Variants in BCAP31 observed in about 807,000 individuals in gnomAD.
BCAP31 encodes the protein B-cell receptor-associated protein 31.
For missense variants in BCAP31, 124 were observed against 193.0 expected (o/e 0.64, Z 2.12); for synonymous variants, 75 against 80.9 (o/e 0.93, Z 0.39).
chrX:153,720,035 C>G (rs1217287286), intron 3 of BCAP31, among the ~76,000 whole-genome samples: 3 of 111,842 alleles, frequency 2.7e-5, no homozygotes, highest in African/African-American at 9.8e-5. Context: ...GGATCTCTCC[C>G]CAAGATATGC....
intron 3 of BCAP31, among the ~76,000 whole-genome samples, chrX:153,718,698 T>C (rs1415006220): frequency 8.9e-6 from 1 of 112,046 alleles, no homozygotes; most frequent in Non-Finnish European, 1.9e-5. Flanking sequence ...AAGATAAACA[T>C]GTTTCCTTAC....
At chrX:153,709,666 C>T (rs1285781231) in intron 4 of BCAP31, among the ~76,000 whole-genome samples, 3 of 112,853 alleles carry the variant, frequency 2.7e-5, no homozygotes, top group African/African-American at 9.7e-5. Flanking sequence ...CCGATGGACC[C>T]GCCTTCACAA....
At chrX:153,721,461 G>A (rs1557051067) in intron 2 of BCAP31, among the ~76,000 whole-genome samples, 1 of 103,528 alleles carries the variant, frequency 9.7e-6, no homozygotes, top group Non-Finnish European at 2.0e-5. Context: ...AAAAGATGCT[G>A]GTCCACGTAT....
intron 6 of BCAP31, 59 bp downstream of exon 6, chrX:153,702,876 C>T: frequency 8.4e-7 from 1 of 1,186,348 alleles, no homozygotes; most frequent in African/African-American, 1.7e-5. Context: ...TGGGCAGCAG[C>T]GGGCAGAGGA....
At chrX:153,716,537 T>C (rs2091628986) in intron 3 of BCAP31, among the ~76,000 whole-genome samples, 1 of 95,568 alleles carries the variant, frequency 1.0e-5, no homozygotes, top group Admixed American at 1.2e-4. Flanking sequence ...GGCCAACGAG[T>C]TCAAGACCAG....
chrX:153,707,506 G>A (rs1372146170), intron 4 of BCAP31, among the ~76,000 whole-genome samples: 1 of 111,532 alleles, frequency 9.0e-6, no homozygotes, highest in Non-Finnish European at 1.9e-5. Context: ...GAATCTCCCT[G>A]GGCCTAGACT....
chrX:153,715,244 C>T (rs1189853858), intron 4 of BCAP31, among the ~76,000 whole-genome samples: 2 of 112,092 alleles, frequency 1.8e-5, no homozygotes, highest in Non-Finnish European at 3.8e-5. Context: ...CAAGGCCTTA[C>T]CGTTACATCT....
chrX:153,711,669 C>T (rs1557049172), intron 4 of BCAP31, among the ~76,000 whole-genome samples: 1 of 110,758 alleles, frequency 9.0e-6, no homozygotes, highest in Non-Finnish European at 1.9e-5. Context: ...TTTGGGAGGC[C>T]GAGGTGGGCA....
chrX:153,719,539 C>T (rs1210804385), intron 3 of BCAP31, among the ~76,000 whole-genome samples: 6 of 111,750 alleles, frequency 5.4e-5, no homozygotes, highest in African/African-American at 2.0e-4. Context: ...GGCTCTGAGA[C>T]ATCAGGAAGG....
intron 2 of BCAP31, among the ~76,000 whole-genome samples, chrX:153,722,601 C>T (rs1031047127): frequency 4.9e-4 from 55 of 112,177 alleles, no homozygotes; most frequent in African/African-American, 1.7e-3. Flanking sequence ...TTTGTAATAT[C>T]GTAATTTAAA....
chrX:153,719,019 T>G (rs1022516871), intron 3 of BCAP31, among the ~76,000 whole-genome samples: 1 of 112,070 alleles, frequency 8.9e-6, no homozygotes, highest in Non-Finnish European at 1.9e-5. Flanking sequence ...TAGATTATGC[T>G]TCTTAACATG....
In BCAP31 at chrX:153,703,047, A is replaced by G; in HGVS notation, c.489T>C (p.Val163=). ...TCCCGACATCCAACTTGCCTCCGTC[A>G]ACAGCAGCTCCCTGGGAAAAGTGCC... ...ENDQLKKGAA[V]DGGKLDVGNA... The change falls in exon 6 of 8, where the codon GTT becomes GTC. Residue 163 remains valine (V), a synonymous_variant. Coordinates refer to ENST00000345046, the MANE Select transcript of BCAP31 (RefSeq NM_001256447.2). 4.1e-6 allele frequency: 5 copies of G among 1,209,891 alleles called. No homozygotes were observed. Among genetic ancestry groups the G allele is most frequent in the Non-Finnish European group, 5.6e-6 (5 of 895,389 alleles).
chrX:153,711,180 C>T (rs2091589195), intron 4 of BCAP31, among the ~76,000 whole-genome samples: 1 of 112,012 alleles, frequency 8.9e-6, no homozygotes, highest in African/African-American at 3.2e-5. Context: ...TCCTCGATTC[C>T]GCAAGTCCAC....
intron 4 of BCAP31, chrX:153,705,372 CCT>C (rs1358383825): frequency 1.8e-5 from 2 of 113,225 alleles, no homozygotes; most frequent in Admixed American, 9.2e-5. Context: ...AGGAGACACC[CCT>C]GAGGTTCCTG....
chrX:153,719,772 CA>C (rs1404480551), intron 3 of BCAP31, among the ~76,000 whole-genome samples: 1 of 111,622 alleles, frequency 9.0e-6, no homozygotes, highest in Non-Finnish European at 1.9e-5. Context: ...AGCAAAACAA[CA>C]AACATCTACC....
chrX:153,721,452 AAAG>A (rs1193281323), intron 2 of BCAP31, among the ~76,000 whole-genome samples: 1 of 106,304 alleles, frequency 9.4e-6, no homozygotes, highest in Admixed American at 1.0e-4. Context: ...AAAAAAAAAA[AAAG>A]ATGCTGGTCC....
At chrX:153,708,748 G>T (rs2091570770) in intron 4 of BCAP31, among the ~76,000 whole-genome samples, 1 of 112,943 alleles carries the variant, frequency 8.9e-6, no homozygotes, top group South Asian at 3.6e-4. Flanking sequence ...CCACCAGTCT[G>T]GAATCAGGAA....
At chrX:153,704,962 G>A (rs2091544598) in intron 4 of BCAP31, 1 of 112,115 alleles carries the variant, frequency 8.9e-6, no homozygotes, top group African/African-American at 3.2e-5. Context: ...GATTGGAATG[G>A]CCACTTCATT....
chrX:153,703,883 A>G, intron 5 of BCAP31, 76 bp downstream of exon 5: 1 of 1,160,305 alleles, frequency 8.6e-7, no homozygotes, highest in South Asian at 1.9e-5. Flanking sequence ...AGCAGTGGCC[A>G]CTGAGGCCCT....
Sources: allele counts gnomAD v4.1 joint callset (sites outside exome capture counted in the v4.1 genomes callset), GRCh38; gene constraint gnomAD v4.1.1; transcripts MANE v1.5; gene names NCBI Gene and HGNC (gene_info 2026-07-23, HGNC 2026-07-21).